The following ASPG variants were observed in gnomAD, a reference collection of about 807,000 sequenced individuals.
ASPG encodes the protein asparaginase.
A neutral mutation model predicts 63.2 loss-of-function variants in ASPG; 53 were observed. That is an observed-to-expected ratio of 0.84 (90% CI 0.67 to 1.05). The LOEUF is 1.05. Among genes scored for constraint, ASPG ranks in the 50% least tolerant of loss-of-function variants. The probability of loss-of-function intolerance (pLI) is 0.00; values close to 1 mark genes in which losing one functional copy is unlikely to be tolerated. For synonymous variants in ASPG, 370 were observed against 355.0 expected (o/e 1.04, Z -0.48); for missense variants, 741 against 794.4 (o/e 0.93, Z 0.81).
At chr14:104,111,357 C>T in intron 13 of ASPG, 145 bp from the exon 14 acceptor site, 2 of 1,009,882 alleles carry the variant, frequency 2.0e-6, no homozygotes, top group South Asian at 3.4e-5. Context: ...CCCAGTGACT[C>T]CTGCCCCAGG....
rs980727392 is a variant in ASPG at position 104,104,336 on chromosome 14, C to G, written c.786C>G (p.Gly262=). 1.2e-6 allele frequency: 2 copies of G among 1,612,516 alleles called. No homozygotes were observed. Among genetic ancestry groups the G allele is most frequent in the Admixed American group, 1.7e-5 (1 of 60,006 alleles). ...CCTTCTTGCAGCCTCCCCTGAAGGG[C>G]GTGGTCATGGAGACCTTCGGTTCAG... ...VRAFLQPPLK[G]VVMETFGSGN... Residue 262 remains glycine, a synonymous_variant, in exon 8 of 16, where the codon GGC becomes GGG. Coordinates refer to ENST00000551177, the MANE Select transcript of ASPG (RefSeq NM_001080464.3).
intron 3 of ASPG, among the ~76,000 whole-genome samples, chr14:104,094,979 C>G (rs1285402373): frequency 1.3e-5 from 2 of 152,158 alleles, no homozygotes; most frequent in African/African-American, 4.8e-5. Flanking sequence ...CCTGGGCCAG[C>G]CACCCTCCAG....
chr14:104,104,495 G>C lies in ASPG; in HGVS notation c.936+9G>C, dbSNP rs779579207. The C allele has an allele frequency of 6.2e-7, 1 of 1,610,780 alleles. No homozygotes were observed. Among genetic ancestry groups the C allele is most frequent in the African/African-American group, 1.3e-5 (1 of 75,030 alleles). ...ACTATGCAGCTGGCATGGTAGTGCC[G>C]GGAGATCAGGGCCTAGCGGGGAAGG... is the stretch of plus-strand genomic sequence containing the variant. On this transcript the variant is annotated intron_variant, in intron 8 of 15. Coordinates refer to ENST00000551177, the MANE Select transcript of ASPG (RefSeq NM_001080464.3).
At chr14:104,100,758 GTGGCTTGTGA>G (rs1181804849) in intron 6 of ASPG, among the ~76,000 whole-genome samples, 1 of 152,218 alleles carries the variant, frequency 6.6e-6, no homozygotes, top group Non-Finnish European at 1.5e-5. Flanking sequence ...CTTGGAGGAG[GTGGCTTGTGA>G]GCTGGTGCTG....
intron 4 of ASPG, among the ~76,000 whole-genome samples, chr14:104,095,883 G>A (rs1252163796): frequency 6.6e-6 from 1 of 152,148 alleles, no homozygotes; most frequent in African/African-American, 2.4e-5. Flanking sequence ...TGGTGGCCCT[G>A]GGAGCTGTGA....
intron 1 of ASPG, among the ~76,000 whole-genome samples, chr14:104,092,291 C>T (rs1399464753): frequency 6.6e-6 from 1 of 152,110 alleles, no homozygotes; most frequent in Non-Finnish European, 1.5e-5. Flanking sequence ...GCCCCGTGGG[C>T]CTTGGTGGGG....
At chr14:104,099,468 C>G (rs528733477) in intron 6 of ASPG, among the ~76,000 whole-genome samples, 2 of 152,350 alleles carry the variant, frequency 1.3e-5, no homozygotes, top group South Asian at 4.1e-4. Flanking sequence ...CCCCCTGGCC[C>G]TGGCTGTAGG....
rs1281917819 is a variant in ASPG at position 104,113,327 on chromosome 14, T to TG, written c.*783_*784insG. 3 of 150,876 alleles carry TG rather than the reference T, an allele frequency of 2.0e-5. No homozygotes were observed. The highest frequency in any genetic ancestry group is 7.3e-5 in the African/African-American group (3 of 41,198). 9.3% of individuals were successfully genotyped at this position (150,876 alleles called of 1,614,324 possible). On this transcript the variant is annotated 3_prime_UTR_variant, in exon 16 of 16. Transcript: ENST00000551177. ...GAAGAGGTGAGCTGTGCCTGCCTGGTTGCACAGCCTGGGCAGGTGGGCGGG... is the reference window on the plus strand; with the variant it reads ...GAAGAGGTGAGCTGTGCCTGCCTGGTGTGCACAGCCTGGGCAGGTGGGCGGG...
intron 6 of ASPG, 32 bp downstream of exon 6, chr14:104,099,011 G>T (rs780821834): frequency 1.4e-5 from 22 of 1,554,938 alleles, no homozygotes; most frequent in Non-Finnish European, 1.9e-5. Context: ...CCAGGTGCCT[G>T]CCCAGTGCTG....
intron 1 of ASPG, among the ~76,000 whole-genome samples, chr14:104,087,903 C>CGGGGCTG (rs1427489867): frequency 6.6e-5 from 10 of 152,322 alleles, no homozygotes; most frequent in African/African-American, 2.4e-4. Context: ...GACTTGGAGG[C>CGGGGCTG]TGGAAATTGG....
intron 3 of ASPG, among the ~76,000 whole-genome samples, chr14:104,095,271 C>T (rs902121813): frequency 6.6e-6 from 1 of 152,202 alleles, no homozygotes; most frequent in Non-Finnish European, 1.5e-5. Context: ...TGGAGGGACT[C>T]ATTCTCGAGT....
In ASPG at chr14:104,099,088, C is replaced by G. The variant is rs991110881; in HGVS notation, c.640+109C>G. The G allele has an allele frequency of 3.4e-6, 5 of 1,466,912 alleles. No individual in the cohort carries two copies. In the South Asian group the frequency reaches 5.1e-5, roughly 15 times the overall value. 90.9% of individuals were successfully genotyped at this position (1,466,912 alleles called of 1,614,324 possible). On this transcript the variant is annotated intron_variant, in intron 6 of 15. Transcript: ENST00000551177. ...CTCGGCAGAGTTTGAGAGCACCATG[C>G]TTGGTTCTGACTTGCCCTGGCTTGG...
chr14:104,104,648 A>C lies in ASPG; in HGVS notation c.963A>C (p.Ser321=). ...GMAMAGAGVI[S]GFDMTSEAAL... ...CCATGGCGGGAGCCGGCGTCATCTC[A>C]GGCTTCGACATGACATCGGAGGCCG... The change falls in exon 9 of 16, where the codon TCA becomes TCC. Residue 321 remains serine, a synonymous_variant. Coordinates refer to ENST00000551177, the MANE Select transcript of ASPG (RefSeq NM_001080464.3). 6.2e-7 allele frequency: 1 copy of C among 1,610,512 alleles called. No individual in the cohort carries two copies. Among genetic ancestry groups the C allele is most frequent in the Non-Finnish European group, 8.5e-7 (1 of 1,178,546 alleles).
chr14:104,093,679 G>A, intron 3 of ASPG, 77 bp downstream of exon 3: 1 of 1,085,982 alleles, frequency 9.2e-7, no homozygotes, highest in Non-Finnish European at 1.3e-6. Context: ...GCTGTGGTGT[G>A]TGGGTGGGGC....
intron 3 of ASPG, 140 bp from the exon 4 acceptor site, chr14:104,095,391 G>A (rs923510710): frequency 5.8e-6 from 7 of 1,207,438 alleles, no homozygotes; most frequent in Admixed American, 2.1e-5. Flanking sequence ...ATCTTCCAGA[G>A]AGGGACTTCC....
intron 1 of ASPG, 75 bp downstream of exon 1, chr14:104,085,927 A>G (rs980579956): frequency 2.3e-4 from 313 of 1,386,856 alleles, no homozygotes; most frequent in Admixed American, 3.7e-4. Context: ...TCCTGCACCC[A>G]CGGGGGTCGT....
At chr14:104,087,286 A>G (rs2036246913) in intron 1 of ASPG, among the ~76,000 whole-genome samples, 1 of 152,040 alleles carries the variant, frequency 6.6e-6, no homozygotes, top group Non-Finnish European at 1.5e-5. Context: ...CCTGTGTGAC[A>G]CTCCACTGAC....
chr14:104,102,921 AG>A (rs2036943840), intron 6 of ASPG, among the ~76,000 whole-genome samples: 3 of 152,070 alleles, frequency 2.0e-5, no homozygotes, highest in East Asian at 1.9e-4. Flanking sequence ...GGGTGTGGGG[AG>A]GGGGTGATGG....
At chr14:104,111,738 C>T in intron 14 of ASPG, 137 bp downstream of exon 14, 1 of 888,242 alleles carries the variant, frequency 1.1e-6, no homozygotes, top group Non-Finnish European at 1.7e-6. Flanking sequence ...CCATGCAGGA[C>T]CCGCACAGAC....
Sources: gnomAD v4.1 joint callset for allele counts (sites outside exome capture counted in the v4.1 genomes callset) on GRCh38, gnomAD v4.1.1 for gene constraint, MANE v1.5 for transcripts, NCBI Gene and HGNC (gene_info 2026-07-23, HGNC 2026-07-21) for gene names.